The following MMP26 variants were observed in gnomAD, a reference collection of about 807,000 sequenced individuals.
The protein encoded by MMP26 is matrix metalloproteinase-26.
Under a neutral mutation model 31.0 loss-of-function variants are expected in MMP26, and 33 were observed. The ratio of observed to expected loss-of-function variants is 1.06; its 90% CI spans 0.81 to 1.42. The LOEUF is 1.42. Among genes scored for constraint, MMP26 ranks in the 40% most tolerant of loss-of-function variants. The pLI is 0.00. For synonymous variants in MMP26, 122 were observed against 114.9 expected, an observed-to-expected ratio of 1.06 and a Z score of -0.40; for missense variants, 347 against 316.1, an observed-to-expected ratio of 1.10 and a Z score of -0.74.
At chr11:4,838,159 T>C (rs775545884) in intron 2 of MMP26, among the ~76,000 whole-genome samples, 23 of 148,778 alleles carry the variant, frequency 1.5e-4, no homozygotes, top group Non-Finnish European at 2.8e-4. Context: ...CTACTAAAAA[T>C]ACAAAAAAAT....
intron 2 of MMP26, among the ~76,000 whole-genome samples, chr11:4,920,311 T>A (rs2133580029): frequency 6.6e-6 from 1 of 152,324 alleles, no homozygotes; most frequent in African/African-American, 2.4e-5. Flanking sequence ...GTAGGCCATC[T>A]ATAATTGGCT....
chr11:4,965,425 A>C (rs1246016497), intron 2 of MMP26, among the ~76,000 whole-genome samples: 1 of 152,298 alleles, frequency 6.6e-6, no homozygotes, highest in African/African-American at 2.4e-5. Flanking sequence ...GTGGCTTTTA[A>C]ATGTCTGATT....
intron 5 of MMP26, 90 bp downstream of exon 5, chr11:4,990,836 A>G (rs1589826301): frequency 1.5e-6 from 2 of 1,379,100 alleles, no homozygotes; most frequent in Non-Finnish European, 1.9e-6. Flanking sequence ...TAGCCCCCCT[A>G]TTAAAGTTTC....
chr11:4,881,790 A>G, intron 2 of MMP26: 1 of 995,798 alleles, frequency 1.0e-6, no homozygotes, highest in Non-Finnish European at 1.5e-6. Flanking sequence ...AAGAAAAATA[A>G]CTACCTTAAA....
intron 1 of MMP26, among the ~76,000 whole-genome samples, chr11:4,705,269 TA>T (rs1325324151): frequency 1.6e-4 from 24 of 151,928 alleles, no homozygotes. Flanking sequence ...CATGCCACAG[TA>T]AAAAAAGAAA....
chr11:4,768,633 C>T (rs1589894615), intron 2 of MMP26, among the ~76,000 whole-genome samples: 1 of 152,038 alleles, frequency 6.6e-6, no homozygotes, highest in South Asian at 2.1e-4. Context: ...TAATATATCG[C>T]TAATAGTAAT....
At position 4,992,048 on chromosome 11, in the gene MMP26, A is replaced by G. The variant is rs1847014252; in HGVS notation, c.680A>G (p.Tyr227Cys). The G allele has an allele frequency of 6.2e-7, 1 of 1,613,686 alleles. No individual in the cohort carries two copies. The highest frequency in any genetic ancestry group is 8.5e-7 in the Non-Finnish European group (1 of 1,179,946). Residue 227 changes from tyrosine to cysteine, a missense_variant, in exon 7 of 8, where the codon TAC (tyrosine) becomes TGC (cysteine). Coordinates refer to ENST00000380390, the MANE Select transcript of MMP26 (RefSeq NM_021801.5). ...QHSGNQSSIM[Y>C]PTYWYHDPRT... ...TCTGGGAATCAGAGCTCCATAATGT[A>G]CCCCACTTACTGGTATCACGACCCT...
At chr11:4,869,875 G>T (rs12270917) in intron 2 of MMP26, among the ~76,000 whole-genome samples, 56,993 of 151,852 alleles carry the variant, frequency 0.38, 12,199 homozygotes, top group Middle Eastern at 0.49. Flanking sequence ...ATATACACCA[G>T]GGAATACTAT....
At chr11:4,848,894 G>C in intron 2 of MMP26, 1 of 1,614,150 alleles carries the variant, frequency 6.2e-7, no homozygotes, top group Non-Finnish European at 8.5e-7. Flanking sequence ...TCTGTAGAAG[G>C]CAGGCTGAGG....
chr11:4,937,478 T>A (rs922760358), intron 2 of MMP26: 2 of 152,798 alleles, frequency 1.3e-5, no homozygotes, highest in Non-Finnish European at 2.9e-5. Context: ...AGGACGTGGA[T>A]CATAGGAGAC....
chr11:4,762,694 T>C (rs530648669), intron 1 of MMP26, among the ~76,000 whole-genome samples: 5 of 152,274 alleles, frequency 3.3e-5, no homozygotes, highest in African/African-American at 1.2e-4. Flanking sequence ...ATAAAAATCG[T>C]TGTACTTGTT....
intron 2 of MMP26, among the ~76,000 whole-genome samples, chr11:4,969,830 A>G (rs956623679): frequency 5.3e-5 from 8 of 152,148 alleles, no homozygotes; most frequent in Non-Finnish European, 1.0e-4. Flanking sequence ...TTATTAAGCA[A>G]ACGTTATTAA....
chr11:4,715,658 T>A (rs967447712), intron 1 of MMP26, among the ~76,000 whole-genome samples: 1 of 152,120 alleles, frequency 6.6e-6, no homozygotes, highest in Non-Finnish European at 1.5e-5. Context: ...AAGATAAATA[T>A]GGTCAATCAA....
At chr11:4,971,826 A>C (rs1846670425) in intron 2 of MMP26, among the ~76,000 whole-genome samples, 2 of 152,194 alleles carry the variant, frequency 1.3e-5, no homozygotes, top group South Asian at 4.1e-4. Context: ...AGAAGGTATC[A>C]CAGGCAAGAG....
At chr11:4,793,889 G>A (rs1318926161) in intron 2 of MMP26, 1 of 152,162 alleles carries the variant, frequency 6.6e-6, no homozygotes. Context: ...GCAAGGAGAT[G>A]GGAATCACTG....
At chr11:4,933,103 G>A (rs1317642907) in intron 2 of MMP26, among the ~76,000 whole-genome samples, 6 of 152,110 alleles carry the variant, frequency 3.9e-5, no homozygotes, top group African/African-American at 1.4e-4. Context: ...GTGGAATATC[G>A]TAGGAAAATA....
chr11:4,776,551 T>C (rs1848793088), intron 2 of MMP26, among the ~76,000 whole-genome samples: 1 of 152,114 alleles, frequency 6.6e-6, no homozygotes, highest in Admixed American at 6.6e-5. Context: ...AGTGATATGG[T>C]TTGGCTCTGT....
chr11:4,785,693 A>G (rs1391677794), intron 2 of MMP26, among the ~76,000 whole-genome samples: 1 of 152,238 alleles, frequency 6.6e-6, no homozygotes, highest in Non-Finnish European at 1.5e-5. Context: ...TTCTGCAAAT[A>G]GAATGCAGCT....
intron 2 of MMP26, among the ~76,000 whole-genome samples, chr11:4,812,288 A>G (rs993431426): frequency 6.6e-6 from 1 of 152,182 alleles, no homozygotes; most frequent in Admixed American, 6.5e-5. Context: ...AATATGTAAC[A>G]TAAATATTAC....
Sources: gnomAD v4.1 joint callset for allele counts (sites outside exome capture counted in the v4.1 genomes callset) on GRCh38, gnomAD v4.1.1 for gene constraint, MANE v1.5 for transcripts, NCBI Gene and HGNC (gene_info 2026-07-23, HGNC 2026-07-21) for gene names.